The following CNTN4 variants were observed in gnomAD, a reference collection of about 807,000 sequenced individuals.
CNTN4 encodes the protein contactin-4.
In CNTN4, 77 loss-of-function variants were observed where a neutral mutation model predicts 122.5. That is an observed-to-expected ratio of 0.63 (90% confidence interval 0.52 to 0.76). CNTN4 has a LOEUF of 0.76. Among genes scored for constraint, CNTN4 ranks in the 30% least tolerant of loss-of-function variants. The pLI is 0.00. For missense variants in CNTN4, 1,256 were observed against 1,259.1 expected, an observed-to-expected ratio of 1.00 and a Z score of 0.04; for synonymous variants, 512 against 447.0, an observed-to-expected ratio of 1.15 and a Z score of -1.83.
In CNTN4 at chr3:2,982,293, C is replaced by G. The variant is rs116435361; in HGVS notation, c.1359-6052C>G. On this transcript the variant is annotated intron_variant, in intron 13 of 24. Transcript: ENST00000418658. ...TTCAGAATCCATTCCTTCCATTCTA[C>G]TTTTACTACCACCGTCACCTGAACA... 9.2e-3 allele frequency among the ~76,000 whole-genome samples: 1,408 copies of G among 152,276 alleles called. 11 individuals carry two copies. The highest frequency in any genetic ancestry group is 0.041 in the Middle Eastern group (12 of 294).
intron 4 of CNTN4, among the ~76,000 whole-genome samples, chr3:2,609,669 C>G (rs1428434343): frequency 6.6e-6 from 1 of 152,072 alleles, no homozygotes; most frequent in Admixed American, 6.6e-5. Context: ...CTTTGAACTT[C>G]TATAAAGAAA....
intron 2 of CNTN4, among the ~76,000 whole-genome samples, chr3:2,183,190 A>G (rs1474879733): frequency 2.1e-4 from 1 of 4,774 alleles, no homozygotes; most frequent in Non-Finnish European, 3.7e-4. Context: ...TTTAACAGCT[A>G]TTAATCTTAT....
At chr3:2,729,165 T>C (rs1167336863) in intron 4 of CNTN4, among the ~76,000 whole-genome samples, 2 of 152,214 alleles carry the variant, frequency 1.3e-5, no homozygotes, top group Non-Finnish European at 2.9e-5. Flanking sequence ...CTAAGGGTCA[T>C]GCGGCGAAAT....
At chr3:2,354,586 C>T (rs931455571) in intron 3 of CNTN4, among the ~76,000 whole-genome samples, 1 of 152,144 alleles carries the variant, frequency 6.6e-6, no homozygotes, top group Non-Finnish European at 1.5e-5. Flanking sequence ...CATAAGTAGG[C>T]TTCAAGAAAT....
intron 5 of CNTN4, among the ~76,000 whole-genome samples, chr3:2,742,374 AC>A (rs1209937031): frequency 1.3e-5 from 2 of 152,362 alleles, no homozygotes; most frequent in East Asian, 3.9e-4. Flanking sequence ...AGGACATATG[AC>A]ATTACTTAAT....
At chr3:3,012,407 G>A (rs1304296847) in intron 14 of CNTN4, among the ~76,000 whole-genome samples, 1 of 151,998 alleles carries the variant, frequency 6.6e-6, no homozygotes, top group African/African-American at 2.4e-5. Context: ...CACTTTTTAT[G>A]TAGCAAGCTC....
rs199903859 is a variant in CNTN4 at position 2,887,080 on chromosome 3, C to G, written c.796C>G (p.Pro266Ala). ...TATCTGGCGAAGAGCTGATGGAAAG[C>G]CAATAGCAAGGAAAGCCAGAAGACA... is the stretch of plus-strand genomic sequence containing the variant. The part of the protein sequence containing the change: ...TIIWRRADGK[P>A]IARKARRHKS... Residue 266 changes from proline (P) to alanine (A), a missense_variant, in exon 10 of 25, where the codon CCA becomes GCA. Pro to Ala is a conservative substitution (Grantham distance 27). Coordinates refer to ENST00000418658, the MANE Select transcript of CNTN4 (RefSeq NM_175607.3). The G allele has an allele frequency of 1.2e-6, 2 of 1,613,862 alleles. No individual in the cohort carries two copies. Among genetic ancestry groups the G allele is most frequent in the Non-Finnish European group, 1.7e-6 (2 of 1,179,984 alleles).
chr3:2,540,416 C>G (rs187169973), intron 3 of CNTN4, among the ~76,000 whole-genome samples: 15 of 151,830 alleles, frequency 9.9e-5, no homozygotes, highest in Non-Finnish European at 1.9e-4. Flanking sequence ...AGAAAGCGGC[C>G]GACTGAGAGA....
chr3:2,778,958 GC>G (rs2149833591), intron 6 of CNTN4, among the ~76,000 whole-genome samples: 1 of 152,242 alleles, frequency 6.6e-6, no homozygotes, highest in South Asian at 2.1e-4. Flanking sequence ...GCTATTAGTT[GC>G]TAAGAAACAA....
At chr3:2,856,608 G>A (rs1201520702) in intron 7 of CNTN4, among the ~76,000 whole-genome samples, 4 of 152,206 alleles carry the variant, frequency 2.6e-5, no homozygotes, top group South Asian at 2.1e-4. Flanking sequence ...AAGCCCAGAT[G>A]GACGGGCACA....
rs1446329462 is a variant in CNTN4 at position 2,340,700 on chromosome 3, T to G, written c.-89+1467T>G. 7.7e-3 allele frequency among the ~76,000 whole-genome samples: 109 copies of G among 14,114 alleles called. 2 individuals are homozygous for G. The highest frequency in any genetic ancestry group is 0.1 in the Middle Eastern group (1 of 10). 9.3% of individuals were successfully genotyped at this position (14,114 alleles called of 152,430 possible). On this transcript the variant is annotated intron_variant, in intron 3 of 24. Coordinates refer to ENST00000418658, the MANE Select transcript of CNTN4 (RefSeq NM_175607.3). ...GTCATAAATTTTATATATATATATATATATATATATAGAGAGAGAGAGAGA... is the reference window on the plus strand; with the variant it reads ...GTCATAAATTTTATATATATATATAGATATATATATAGAGAGAGAGAGAGA...
At chr3:2,723,095 C>G (rs1455156456) in intron 4 of CNTN4, among the ~76,000 whole-genome samples, 1 of 152,102 alleles carries the variant, frequency 6.6e-6, no homozygotes, top group East Asian at 1.9e-4. Context: ...TCATTCTTTC[C>G]CACTATATTT....
chr3:2,889,392 A>G (rs1324705381), intron 10 of CNTN4, among the ~76,000 whole-genome samples: 1 of 152,204 alleles, frequency 6.6e-6, no homozygotes, highest in African/African-American at 2.4e-5. Flanking sequence ...GACAGACTTG[A>G]TATTTAATCT....
chr3:2,391,617 G>C (rs2046444446), intron 3 of CNTN4, among the ~76,000 whole-genome samples: 1 of 152,090 alleles, frequency 6.6e-6, no homozygotes, highest in Non-Finnish European at 1.5e-5. Flanking sequence ...ATAAATAAAG[G>C]ATGAAACAGA....
chr3:2,327,584 A>T (rs1197811319), intron 2 of CNTN4, among the ~76,000 whole-genome samples: 1 of 152,200 alleles, frequency 6.6e-6, no homozygotes, highest in African/African-American at 2.4e-5. Flanking sequence ...AAAATGTGTC[A>T]TGGTATACTT....
At position 3,057,424 on chromosome 3, in the gene CNTN4, C is replaced by A. The variant is rs992403036; in HGVS notation, c.*1204C>A. 5 of 152,596 alleles carry A rather than the reference C, an allele frequency of 3.3e-5. No individual in the cohort carries two copies. The highest frequency in any genetic ancestry group is 5.9e-5 in the Non-Finnish European group (4 of 68,036). The allele number at this position is 152,596 out of a possible 1,614,324, so 9.5% of individuals were successfully genotyped here. ...TTACCTTCTAGGTCTTAAAATCACA[C>A]ATTGGAAAATGACAATATCAACAAA... On this transcript the variant is annotated 3_prime_UTR_variant, in exon 25 of 25. Transcript: ENST00000418658.
chr3:2,881,090 A>C (rs1314218784), intron 8 of CNTN4, among the ~76,000 whole-genome samples: 1 of 152,246 alleles, frequency 6.6e-6, no homozygotes. Flanking sequence ...TCGAGTTTGC[A>C]CTATTGACAA....
intron 2 of CNTN4, among the ~76,000 whole-genome samples, chr3:2,132,019 C>T (rs1393758282): frequency 1.3e-5 from 2 of 152,186 alleles, no homozygotes; most frequent in Non-Finnish European, 2.9e-5. Flanking sequence ...CCAGCAGATG[C>T]AGTAGGGGAG....
chr3:2,159,748 T>A (rs1164503189), intron 2 of CNTN4, among the ~76,000 whole-genome samples: 1 of 152,190 alleles, frequency 6.6e-6, no homozygotes, highest in Non-Finnish European at 1.5e-5. Context: ...GTTTTATTTT[T>A]AAAGTTATGT....
Sources: allele counts gnomAD v4.1 joint callset (sites outside exome capture counted in the v4.1 genomes callset), GRCh38; gene constraint gnomAD v4.1.1; transcripts MANE v1.5; gene names NCBI Gene and HGNC (gene_info 2026-07-23, HGNC 2026-07-21).